The following ZNF469 variants were observed in gnomAD, a reference collection of about 807,000 sequenced individuals.
The protein encoded by ZNF469 is zinc finger protein 469.
Under a neutral mutation model 1.0 loss-of-function variants are expected in ZNF469, and 1 was observed. The observed-to-expected ratio is 1.00, with a 90% CI of 0.35 to 4.73. The LOEUF (loss-of-function observed/expected upper bound fraction) is 4.73, where lower values mean the gene tolerates loss of function less well. Among genes scored for constraint, ZNF469 ranks in the 30% most tolerant of loss-of-function variants. The pLI is 0.16. For missense variants in ZNF469, 6,100 were observed against 5,356.3 expected, an observed-to-expected ratio of 1.14 and a Z score of -4.33; for synonymous variants, 2,703 against 2,363.4, an observed-to-expected ratio of 1.14 and a Z score of -4.17.
the ZNF469 span, among the ~76,000 whole-genome samples, chr16:88,162,151 T>C: frequency 3.9e-4 from 60 of 152,030 alleles, 2 homozygotes; most frequent in South Asian, 0.012. Context: ...AACATGAGAG[T>C]TGAGAAAATC....
the ZNF469 span, among the ~76,000 whole-genome samples, chr16:88,321,436 G>T: frequency 2.6e-5 from 4 of 151,478 alleles, no homozygotes; most frequent in Non-Finnish European, 4.4e-5. Flanking sequence ...TCACCTGATT[G>T]GATGTGGCCC....
Position 88,433,340 on chromosome 16 carries a change from G to T in ZNF469, c.5870G>T (p.Gly1957Val). 6.5e-7 allele frequency: 1 copy of T among 1,550,292 alleles called. No homozygotes were observed. The highest frequency in any genetic ancestry group is 8.7e-7 in the Non-Finnish European group (1 of 1,146,918). The change falls in exon 3 of 3, where the codon GGC (glycine) becomes GTC (valine). Residue 1957 changes from glycine to valine, a missense_variant. Physicochemically the swap from Gly to Val is moderately radical, Grantham distance 109. Transcript: ENST00000565624. Reference protein sequence around the residue: ...GGKVACGPAQGSPGGVQVTTL... With the variant: ...GGKVACGPAQVSPGGVQVTTL... ...AAGGTGGCCTGTGGCCCCGCCCAGG[G>T]CTCCCCAGGGGGTGTGCAGGTGACA...
At chr16:88,137,584 A>C in the ZNF469 span, among the ~76,000 whole-genome samples, 1 of 152,290 alleles carries the variant, frequency 6.6e-6, no homozygotes, top group East Asian at 1.9e-4. Flanking sequence ...CTATACATGC[A>C]TACAACTGTG....
At chr16:88,257,243 C>T in the ZNF469 span, among the ~76,000 whole-genome samples, 3 of 151,516 alleles carry the variant, frequency 2.0e-5, no homozygotes, top group African/African-American at 4.9e-5. Flanking sequence ...GGATTACGGG[C>T]GTGAGCCACC....
the ZNF469 span, among the ~76,000 whole-genome samples, chr16:88,234,474 G>A: frequency 3.9e-4 from 59 of 152,324 alleles, no homozygotes; most frequent in African/African-American, 1.2e-3. Flanking sequence ...AACCAGAGCC[G>A]GAGCTGGGCT....
chr16:88,154,158 G>T, the ZNF469 span, among the ~76,000 whole-genome samples: 1 of 152,128 alleles, frequency 6.6e-6, no homozygotes, highest in East Asian at 1.9e-4. Flanking sequence ...TTGTTGGTTT[G>T]TTTTTGTTTT....
At chr16:88,111,224 G>A in the ZNF469 span, among the ~76,000 whole-genome samples, 1 of 152,226 alleles carries the variant, frequency 6.6e-6, no homozygotes, top group African/African-American at 2.4e-5. Context: ...TCCCCGCAGT[G>A]GCCAGTCTGC....
At chr16:88,374,817 T>A in the ZNF469 span, among the ~76,000 whole-genome samples, 312 of 151,780 alleles carry the variant, frequency 2.1e-3, no homozygotes, top group African/African-American at 7.1e-3. Context: ...TGAGCGGCTG[T>A]ATCTGCGCTC....
chr16:88,112,868 C>T, the ZNF469 span, among the ~76,000 whole-genome samples: 6 of 150,836 alleles, frequency 4.0e-5, no homozygotes, highest in African/African-American at 1.5e-4. Context: ...AGCTCTGCCT[C>T]CCGGGTTTGC....
At position 88,437,423 on chromosome 16, in the gene ZNF469, G is replaced by C; in HGVS notation, c.9953G>C (p.Gly3318Ala). 2.0e-6 allele frequency: 3 copies of C among 1,521,866 alleles called. No homozygotes were observed. The highest frequency in any genetic ancestry group is 2.7e-6 in the Non-Finnish European group (3 of 1,131,536). 94.3% of individuals were successfully genotyped at this position (1,521,866 alleles called of 1,614,324 possible). A position where few individuals can be genotyped will look rare whatever the true frequency, so the allele number is the denominator to read the frequency against. The change falls in exon 3 of 3, where the codon GGC (glycine) becomes GCC (alanine). Residue 3318 changes from glycine (G) to alanine (A), a missense_variant. Transcript: ENST00000565624. ...AGCCCGTCCCCCGACCCCTGGGCCGGCGGGGAGCCCCTCCTGCAAGCCACC... is the reference window on the plus strand; with the variant it reads ...AGCCCGTCCCCCGACCCCTGGGCCGCCGGGGAGCCCCTCCTGCAAGCCACC... Reference protein sequence around the residue: ...TPSPSPDPWAGGEPLLQATPV... With the variant: ...TPSPSPDPWAAGEPLLQATPV...
At chr16:88,404,866 G>T (rs542204782) in intron 1 of ZNF469, among the ~76,000 whole-genome samples, 1 of 152,298 alleles carries the variant, frequency 6.6e-6, no homozygotes, top group African/African-American at 2.4e-5. Context: ...GGGTCATGTT[G>T]GTCAGGACAC....
At chr16:88,195,671 T>C in the ZNF469 span, among the ~76,000 whole-genome samples, 2 of 152,128 alleles carry the variant, frequency 1.3e-5, no homozygotes, top group African/African-American at 4.8e-5. Flanking sequence ...CAATGGCAGA[T>C]GGACGTTTGA....
the ZNF469 span, among the ~76,000 whole-genome samples, chr16:88,225,531 A>G: frequency 6.6e-6 from 1 of 151,776 alleles, no homozygotes; most frequent in Non-Finnish European, 1.5e-5. Flanking sequence ...TTCGGGGAGG[A>G]GGTGAATGCA....
intron 2 of ZNF469, among the ~76,000 whole-genome samples, 190 bp from the exon 3 acceptor site, chr16:88,427,155 C>A (rs976871823): frequency 2.6e-5 from 4 of 152,176 alleles, no homozygotes; most frequent in Non-Finnish European, 4.4e-5. Context: ...GCGGGATGCC[C>A]TCTCCCTTCC....
the ZNF469 span, among the ~76,000 whole-genome samples, chr16:88,337,250 A>G: frequency 6.6e-5 from 10 of 152,248 alleles, 1 homozygote; most frequent in South Asian, 2.1e-3. Context: ...TAACTGAATC[A>G]TGGGGGCGGG....
the ZNF469 span, among the ~76,000 whole-genome samples, chr16:88,196,812 G>A: frequency 6.6e-6 from 1 of 152,218 alleles, no homozygotes; most frequent in African/African-American, 2.4e-5. Flanking sequence ...GCCGGAGACT[G>A]AGCACTGTTT....
chr16:88,242,276 C>G, the ZNF469 span, among the ~76,000 whole-genome samples: 1 of 152,232 alleles, frequency 6.6e-6, no homozygotes, highest in East Asian at 1.9e-4. Context: ...AGCTTCTTCT[C>G]TAAATGCATT....
rs1838800058 is a variant in ZNF469, at chr16:88,436,662, T to G, written c.9192T>G (p.Phe3064Leu). ...AAGACCTGTGCTTTCTGGGACCCTT[T>G]GAAGACCCCGTGGGTCTCCCCGGCC... Reference protein sequence around the residue: ...EMQDLCFLGPFEDPVGLPGPS... With the variant: ...EMQDLCFLGPLEDPVGLPGPS... The change falls in exon 3 of 3, where the codon TTT (phenylalanine) becomes TTG (leucine). Residue 3064 changes from phenylalanine to leucine, a missense_variant. Transcript: ENST00000565624. 6.5e-7 allele frequency: 1 copy of G among 1,550,196 alleles called. No homozygotes were observed. The highest frequency in any genetic ancestry group is 1.4e-5 in the African/African-American group (1 of 73,026).
rs745583785 is a variant in ZNF469 at position 88,384,006 on chromosome 16, C to G, written c.-192+752C>G. Among the ~76,000 whole-genome samples the G allele has an allele frequency of 5.3e-5, 8 of 152,140 alleles. No homozygotes were observed. In the East Asian group the frequency reaches 5.8e-4, roughly 11 times the overall value. ...CAGTCCTTGTCCCTGCACCCTGGGC[C>G]GAGGGCAGAGGGACAGGTCCCCGGC... is the stretch of plus-strand genomic sequence containing the variant. On this transcript the variant is annotated intron_variant, in intron 1 of 2. Coordinates refer to ENST00000565624, the MANE Select transcript of ZNF469 (RefSeq NM_001367624.2).
Sources: allele counts gnomAD v4.1 joint callset (sites outside exome capture counted in the v4.1 genomes callset), GRCh38; gene constraint gnomAD v4.1.1; transcripts MANE v1.5; gene names NCBI Gene and HGNC (gene_info 2026-07-23, HGNC 2026-07-21).